The following KRT6A variants were observed in gnomAD, a reference collection of about 807,000 sequenced individuals.
KRT6A encodes the protein keratin 6A, also known as keratin, type II cytoskeletal 6A.
KRT6A carries 28 observed loss-of-function variants against 48.6 expected under a neutral mutation model. The ratio of observed to expected loss-of-function variants is 0.58; its 90% CI spans 0.43 to 0.79. The LOEUF (loss-of-function observed/expected upper bound fraction) is 0.79. Ranked by LOEUF, KRT6A falls within the 30% of genes least tolerant of loss-of-function variation. The probability of loss-of-function intolerance (pLI) is 0.00; values close to 1 mark genes in which losing one functional copy is unlikely to be tolerated. For synonymous variants in KRT6A, 301 were observed against 294.2 expected (o/e 1.02, Z -0.24); for missense variants, 687 against 724.3 (o/e 0.95, Z 0.59).
chr12:52,491,710 C>T lies in KRT6A; in HGVS notation c.567G>A (p.Lys189=), dbSNP rs7298145. ...GCAGGGTCCACTTTGTTTCCAGAAC[C>T]TTGTTCTGCTGCTCCAGGAACCGCA... The part of the protein sequence containing the change: ...DKVRFLEQQN[K]VLETKWTLLQ... The change falls in exon 2 of 9, where the codon AAG becomes AAA. Residue 189 remains lysine (K), a synonymous_variant. Transcript: ENST00000330722. 6,585 of 1,614,150 alleles carry T rather than the reference C, an allele frequency of 4.1e-3. 218 individuals are homozygous for T. The African/African-American group carries it at 0.078, about 19-fold the overall frequency.
intron 6 of KRT6A, among the ~76,000 whole-genome samples, chr12:52,489,107 T>C (rs1418324968): frequency 2.6e-5 from 4 of 152,236 alleles, no homozygotes; most frequent in Admixed American, 1.3e-4. Flanking sequence ...CTTTTCTTTT[T>C]CAATTTGTTC....
chr12:52,491,457 G>A (rs1565586602), intron 2 of KRT6A, 65 bp downstream of exon 2: 5 of 1,584,030 alleles, frequency 3.2e-6, no homozygotes, highest in Non-Finnish European at 4.3e-6. Flanking sequence ...TTCTGGCCCT[G>A]GTCACCCAAT....
chr12:52,492,759 G>C lies in KRT6A; in HGVS notation c.430C>G (p.Leu144Val), dbSNP rs764555290. Reference sequence around the variant, plus strand: ...ATTTGCAGGTTGAGGGGAGTCAGGAGACTCTGGTTGACGGTGACCTCTTGG... The same window carrying C: ...ATTTGCAGGTTGAGGGGAGTCAGGACACTCTGGTTGACGGTGACCTCTTGG... Reference protein sequence around the residue: ...GIQEVTVNQSLLTPLNLQIDP... With the variant: ...GIQEVTVNQSVLTPLNLQIDP... Residue 144 changes from leucine (L) to valine (V), a missense_variant, in exon 1 of 9, where the codon CTC becomes GTC. Around this residue, in one of 3 missense-constraint regions of KRT6A, gnomAD observed 566 missense variants for 565.3 expected, o/e 1.00. Coordinates refer to ENST00000330722, the MANE Select transcript of KRT6A (RefSeq NM_005554.4). 5 of 1,613,744 alleles carry C rather than the reference G, an allele frequency of 3.1e-6. No homozygotes were observed. Among genetic ancestry groups the C allele is most frequent in the Non-Finnish European group, 4.2e-6 (5 of 1,179,924 alleles).
Position 52,488,483 on chromosome 12 carries a change from G to C in KRT6A, c.1269C>G (p.Ala423=). The change falls in exon 7 of 9, where the codon GCC becomes GCG. Residue 423 remains alanine (A), a synonymous_variant. Coordinates refer to ENST00000330722, the MANE Select transcript of KRT6A (RefSeq NM_005554.4). ...EQRGEMALKD[A]KNKLEGLEDA... The stretch of plus-strand genomic sequence containing the variant: ...CCTCCAGCCCTTCCAGCTTGTTCTT[G>C]GCATCCTTGAGGGCCATCTCCCCAC... 1 of 1,614,098 alleles carries C rather than the reference G, an allele frequency of 6.2e-7. No individual in the cohort carries two copies. Among genetic ancestry groups the C allele is most frequent in the South Asian group, 1.1e-5 (1 of 91,064 alleles).
chr12:52,487,270 C>A lies in KRT6A; in HGVS notation c.*450G>T. Reference sequence around the variant, plus strand: ...AGGCTTTGTACATCATAGGACTAGTCACTTGTGCTTTCATGGATACTGCCT... The same window carrying A: ...AGGCTTTGTACATCATAGGACTAGTAACTTGTGCTTTCATGGATACTGCCT... On this transcript the variant is annotated 3_prime_UTR_variant, in exon 9 of 9. Transcript: ENST00000330722. 1 of 244,708 alleles carries A rather than the reference C, an allele frequency of 4.1e-6. No homozygotes were observed. The highest frequency in any genetic ancestry group is 6.2e-5 in the South Asian group (1 of 16,088). 15.2% of individuals were successfully genotyped at this position (244,708 alleles called of 1,614,324 possible). A position where few individuals can be genotyped will look rare whatever the true frequency, so the allele number is the denominator to read the frequency against.
rs1446846890 is a variant in KRT6A, at chr12:52,491,657, C to T, written c.620G>A (p.Arg207Lys). The T allele has an allele frequency of 6.2e-7, 1 of 1,614,216 alleles. No individual in the cohort carries two copies. Among genetic ancestry groups the T allele is most frequent in the Admixed American group, 1.7e-5 (1 of 60,024 alleles). ...LLQEQGTKTVRQNLEPLFEQY... is the reference protein window; with the variant it reads ...LLQEQGTKTVKQNLEPLFEQY... The stretch of plus-strand genomic sequence containing the variant: ...CTCGAACAACGGCTCCAGGTTCTGC[C>T]TCACAGTCTTGGTGCCCTGCTCCTG... The change falls in exon 2 of 9, where the codon AGG (arginine) becomes AAG (lysine). Residue 207 changes from arginine to lysine, a missense_variant. Physicochemically the swap from Arg to Lys is conservative, Grantham distance 26. Coordinates refer to ENST00000330722, the MANE Select transcript of KRT6A (RefSeq NM_005554.4).
At chr12:52,488,000 C>T in intron 8 of KRT6A, 45 bp from the exon 9 acceptor site, 1 of 1,614,158 alleles carries the variant, frequency 6.2e-7, no homozygotes, top group South Asian at 1.1e-5. Context: ...ATGGTGAGCT[C>T]ATCCTGTCAG....
chr12:52,488,637 G>A, intron 6 of KRT6A, 89 bp from the exon 7 acceptor site: 2 of 1,495,408 alleles, frequency 1.3e-6, no homozygotes, highest in Non-Finnish European at 1.8e-6. Flanking sequence ...GAAGGGGCCA[G>A]GAGCCCAGAA....
At position 52,489,963 on chromosome 12, in the gene KRT6A, T is replaced by C. The variant is rs1938229139; in HGVS notation, c.1183A>G (p.Ile395Val). ...CATACCTGCTTCTTGACGTGGTCGA[T>C]CTCAGATCTCAGCCTCTGGATCATG... Reference protein sequence around the residue: ...NRMIQRLRSEIDHVKKQCANL... With the variant: ...NRMIQRLRSEVDHVKKQCANL... Residue 395 changes from isoleucine (I) to valine (V), a missense_variant, in exon 6 of 9, where the codon ATC becomes GTC. Ile to Val is a conservative substitution (Grantham distance 29, BLOSUM62 3). This residue lies in a region of KRT6A where 566 missense variants were observed against 565.3 expected (regional missense o/e 1.00). Transcript: ENST00000330722. The C allele has an allele frequency of 6.2e-7, 1 of 1,614,100 alleles. No individual in the cohort carries two copies. The highest frequency in any genetic ancestry group is 1.1e-5 in the South Asian group (1 of 91,082).
chr12:52,493,175 G>A lies in KRT6A; in HGVS notation c.14C>T (p.Ser5Phe), dbSNP rs563614469. The change falls in exon 1 of 9, where the codon TCC becomes TTC. Residue 5 changes from serine (S) to phenylalanine (F), a missense_variant. By Grantham distance (155) the Ser-to-Phe change is radical. This residue lies in a region of KRT6A where 72 missense variants were observed against 61.8 expected (regional missense o/e 1.17). Transcript: ENST00000330722. ...GCTGCTGTGGCTCCTGATGGTGGTG[G>A]ATGTGCTGGCCATGGTTCCAGGAGA... is the stretch of plus-strand genomic sequence containing the variant. MAST[S>F]TTIRSHSSSR... The A allele has an allele frequency of 1.4e-4, 219 of 1,614,156 alleles. 2 individuals are homozygous for A. The South Asian group carries it at 2.3e-3, about 17-fold the overall frequency.
Position 52,491,668 on chromosome 12 carries a change from G to C in KRT6A, c.609C>G (p.Thr203=). The change falls in exon 2 of 9, where the codon ACC becomes ACG. Residue 203 remains threonine (T), a synonymous_variant. Transcript: ENST00000330722. ...TKWTLLQEQG[T]KTVRQNLEPL... is the part of the protein sequence containing the mutation. The stretch of plus-strand genomic sequence containing the variant: ...GCTCCAGGTTCTGCCTCACAGTCTT[G>C]GTGCCCTGCTCCTGCAGCAGGGTCC... 6.2e-7 allele frequency: 1 copy of C among 1,614,154 alleles called. No homozygotes were observed. The highest frequency in any genetic ancestry group is 1.1e-5 in the South Asian group (1 of 91,074).
At chr12:52,489,914 C>T in intron 6 of KRT6A, 29 bp downstream of exon 6, 2 of 1,614,118 alleles carry the variant, frequency 1.2e-6, no homozygotes, top group African/African-American at 1.3e-5. Flanking sequence ...CAAGGAAATG[C>T]TTCTCTCCTC....
In KRT6A at chr12:52,493,041, C is replaced by T; in HGVS notation, c.148G>A (p.Ala50Thr). Residue 50 changes from alanine to threonine, a missense_variant, in exon 1 of 9, where the codon GCA becomes ACA. Transcript: ENST00000330722. ...CTGCCAAAGCCAGCTCCTCCACATG[C>T]ACCACCCAGGCCACCACTGCCCCTG... ...RSRGSGGLGGACGGAGFGSRS... is the reference protein window; with the variant it reads ...RSRGSGGLGGTCGGAGFGSRS... The T allele has an allele frequency of 6.2e-7, 1 of 1,612,422 alleles. No individual in the cohort carries two copies. The highest frequency in any genetic ancestry group is 2.1e-4 in the Middle Eastern group (1 of 4,764).
At chr12:52,488,665 C>T in intron 6 of KRT6A, 117 bp from the exon 7 acceptor site, 2 of 1,282,426 alleles carry the variant, frequency 1.6e-6, no homozygotes, top group Non-Finnish European at 2.2e-6. Flanking sequence ...TGAATGAGCT[C>T]TGACTCTTCC....
rs1427866424 is a variant in KRT6A at position 52,491,032 on chromosome 12, C to A, written c.817-79G>T. 19 of 1,613,854 alleles carry A rather than the reference C, an allele frequency of 1.2e-5. No homozygotes were observed. The Admixed American group carries it at 2.7e-4, about 23-fold the overall frequency. ...CCATCTTCTAGTCTCCATGCCAATT[C>A]TCCTCTCCCAGGGGAGCGAGGACAC... is the stretch of plus-strand genomic sequence containing the variant. On this transcript the variant is annotated intron_variant, in intron 3 of 8. Transcript: ENST00000330722.
intron 6 of KRT6A, among the ~76,000 whole-genome samples, chr12:52,488,976 C>T (rs1954258079): frequency 6.6e-6 from 1 of 152,200 alleles, no homozygotes; most frequent in South Asian, 2.1e-4. Context: ...GAGACCTTGC[C>T]TTCCTCCCCC....
chr12:52,492,831 C>A lies in KRT6A; in HGVS notation c.358G>T (p.Gly120Cys), dbSNP rs1938296666. ...GGGAAGCCAGGGCCCCCAAAGCCAC[C>A]AGCAAGGCCGGCTCCACCACCCAGA... The part of the protein sequence containing the change: ...FGLGGGAGLA[G>C]GFGGPGFPVC... The change falls in exon 1 of 9, where the codon GGT (glycine) becomes TGT (cysteine). Residue 120 changes from glycine (G) to cysteine (C), a missense_variant. Physicochemically the swap from Gly to Cys is radical, Grantham distance 159. Coordinates refer to ENST00000330722, the MANE Select transcript of KRT6A (RefSeq NM_005554.4). 2.5e-6 allele frequency: 4 copies of A among 1,612,102 alleles called. No individual in the cohort carries two copies. The highest frequency in any genetic ancestry group is 3.4e-6 in the Non-Finnish European group (4 of 1,179,384).
In KRT6A at chr12:52,487,984, G is replaced by C. The variant is rs199761359; in HGVS notation, c.1460-29C>G. 8.9e-5 allele frequency: 143 copies of C among 1,614,190 alleles called. 2 individuals carry two copies. The East Asian group carries it at 3.2e-3, about 36-fold the overall frequency. ...TGATGGGGAGGGGACAAGGACACAA[G>C]AAGCCATGGTGAGCTCATCCTGTCA... is the stretch of plus-strand genomic sequence containing the variant. On this transcript the variant is annotated intron_variant, in intron 8 of 8. Coordinates refer to ENST00000330722, the MANE Select transcript of KRT6A (RefSeq NM_005554.4).
intron 1 of KRT6A, 101 bp from the exon 2 acceptor site, chr12:52,491,837 G>T (rs1938272419): frequency 2.1e-6 from 3 of 1,457,718 alleles, no homozygotes; most frequent in African/African-American, 2.8e-5. Context: ...CATGGTGCTG[G>T]GCTACTACAG....
Sources: gnomAD v4.1 joint callset for allele counts (sites outside exome capture counted in the v4.1 genomes callset) on GRCh38, gnomAD v4.1.1 for gene constraint, gnomAD v4.1.1 regional missense constraint, MANE v1.5 for transcripts, NCBI Gene and HGNC (gene_info 2026-07-23, HGNC 2026-07-21) for gene names.